Variants in NATD1 observed in about 807,000 individuals in gnomAD.
NATD1 encodes the protein protein NATD1.
In NATD1, 9 loss-of-function variants were observed where a neutral mutation model predicts 12.0. The ratio of observed to expected loss-of-function variants is 0.75; its 90% confidence interval spans 0.45 to 1.30. The LOEUF is 1.30. NATD1 is among the 50% of genes most tolerant of loss of function. The pLI, the probability that NATD1 is intolerant of heterozygous loss-of-function variation, is 0.00. For synonymous variants in NATD1, 71 were observed against 65.9 expected, an observed-to-expected ratio of 1.08 and a Z score of -0.37; for missense variants, 148 against 148.5, an observed-to-expected ratio of 1.00 and a Z score of 0.02.
rs1372485722 is a variant in NATD1 at position 21,242,172 on chromosome 17, G to A, written c.*1141C>T. 1 of 152,318 alleles carries A rather than the reference G, an allele frequency of 6.6e-6. No individual in the cohort carries two copies. Among genetic ancestry groups the A allele is most frequent in the East Asian group, 1.9e-4 (1 of 5,188 alleles). 9.4% of individuals were successfully genotyped at this position (152,318 alleles called of 1,614,324 possible). ...ATCCTTGTTAGCACTGACACAAGAG[G>A]GCGGGACCTGAGTCAGCCCCAGGGG... On this transcript the variant is annotated 3_prime_UTR_variant, in exon 3 of 3. Coordinates refer to ENST00000611551, the MANE Select transcript of NATD1 (RefSeq NM_152914.3).
intron 1 of NATD1, among the ~76,000 whole-genome samples, chr17:21,246,183 C>G (rs561717205): frequency 6.6e-6 from 1 of 152,236 alleles, no homozygotes; most frequent in South Asian, 2.1e-4. Context: ...GGAGATCTTA[C>G]GTACTGATGA....
chr17:21,248,997 C>T (rs1975352125), intron 1 of NATD1, among the ~76,000 whole-genome samples: 1 of 152,086 alleles, frequency 6.6e-6, no homozygotes, highest in Non-Finnish European at 1.5e-5. Context: ...GGGACCCGTC[C>T]CTGGGTCTCT....
rs1975283296 is a variant in NATD1, at chr17:21,242,375, G to A, written c.*938C>T. On this transcript the variant is annotated 3_prime_UTR_variant, in exon 3 of 3. Coordinates refer to ENST00000611551, the MANE Select transcript of NATD1 (RefSeq NM_152914.3). ...GTCTGGCAGCAGCACAGAAACCCCT[G>A]TGGCTGATGTTTCTTCCTCTTGGAT... is the stretch of plus-strand genomic sequence containing the variant. The A allele has an allele frequency of 6.6e-6, 1 of 152,286 alleles. No homozygotes were observed. The highest frequency in any genetic ancestry group is 1.5e-5 in the Non-Finnish European group (1 of 68,080). 9.4% of individuals were successfully genotyped at this position (152,286 alleles called of 1,614,324 possible). A position where few individuals can be genotyped will look rare whatever the true frequency, so the allele number is the denominator to read the frequency against.
chr17:21,241,490 C>A lies in NATD1; in HGVS notation c.*1823G>T. 6.5e-6 allele frequency: 1 copy of A among 152,764 alleles called. No homozygotes were observed. The highest frequency in any genetic ancestry group is 1.5e-5 in the Non-Finnish European group (1 of 68,442). The allele number at this position is 152,764 out of a possible 1,614,324, so 9.5% of individuals were successfully genotyped here. On this transcript the variant is annotated 3_prime_UTR_variant, in exon 3 of 3. Coordinates refer to ENST00000611551, the MANE Select transcript of NATD1 (RefSeq NM_152914.3). The stretch of plus-strand genomic sequence containing the variant: ...CAACCTGCTCTTTCCTTAAATTCTG[C>A]CAGCAATGGGCCACCCCTAGCCCCG...
intron 1 of NATD1, among the ~76,000 whole-genome samples, chr17:21,252,215 G>C (rs1192969547): frequency 1.3e-5 from 2 of 152,052 alleles, no homozygotes; most frequent in South Asian, 2.1e-4. Context: ...TGAGGCAGGA[G>C]AATCACTTGA....
Position 21,243,376 on chromosome 17 carries a change from C to T in NATD1, c.279G>A (p.Trp93Ter). 6.2e-7 allele frequency: 1 copy of T among 1,613,574 alleles called. No individual in the cohort carries two copies. Residue 93 changes from tryptophan (W) to a stop codon, truncating the protein, a stop_gained, in exon 3 of 3, where the codon TGG becomes TGA. Transcript: ENST00000611551. LOFTEE classifies it high-confidence loss of function. ...EEDLKAHLTC[W>*]YIQKYVKENP... Reference sequence around the variant, plus strand: ...TCTCCTTGACGTACTTCTGGATGTACCAGCAGGTGAGATGGGCCTTCAGGT... The same window carrying T: ...TCTCCTTGACGTACTTCTGGATGTATCAGCAGGTGAGATGGGCCTTCAGGT...
At chr17:21,248,747 T>C (rs572794761) in intron 1 of NATD1, among the ~76,000 whole-genome samples, 8 of 152,218 alleles carry the variant, frequency 5.3e-5, no homozygotes, top group African/African-American at 1.9e-4. Context: ...GACCTCAGAC[T>C]AGCACAGGGG....
At chr17:21,249,084 C>T (rs1975352966) in intron 1 of NATD1, among the ~76,000 whole-genome samples, 1 of 152,150 alleles carries the variant, frequency 6.6e-6, no homozygotes, top group South Asian at 2.1e-4. Context: ...GAGGCGATCA[C>T]AGAGAAAGAC....
At chr17:21,248,323 C>T (rs1975344494) in intron 1 of NATD1, among the ~76,000 whole-genome samples, 2 of 152,200 alleles carry the variant, frequency 1.3e-5, no homozygotes, top group South Asian at 4.1e-4. Flanking sequence ...GGAAAATGCC[C>T]AAGTCCCCAA....
chr17:21,250,152 C>T (rs533733881), intron 1 of NATD1, among the ~76,000 whole-genome samples: 2 of 152,332 alleles, frequency 1.3e-5, no homozygotes, highest in Admixed American at 1.3e-4. Flanking sequence ...GAGTCAAAGC[C>T]GAGCCCATAG....
rs946746597 is a variant in NATD1, at chr17:21,249,502, G to A, written c.106+3657C>T. On this transcript the variant is annotated intron_variant, in intron 1 of 2. Transcript: ENST00000611551. The stretch of plus-strand genomic sequence containing the variant: ...CGGCCTCATATTGGGGCTGTGATCT[G>A]AGCACCTCCCAAAGCCTGGGGCTGT... Among the ~76,000 whole-genome samples the A allele has an allele frequency of 1.1e-4, 17 of 152,248 alleles. 1 individual carries two copies. In the East Asian group the frequency reaches 3.1e-3, roughly 28 times the overall value.
At position 21,240,061 on chromosome 17, in the gene NATD1, T is replaced by C. The variant is rs971230641; in HGVS notation, c.*3252A>G. On this transcript the variant is annotated 3_prime_UTR_variant, in exon 3 of 3. Transcript: ENST00000611551. ...AAATTCTAAAGGAAGCAACTTCTTA[T>C]GGCACAGCGGATCTCATGCATGGCA... The C allele has an allele frequency of 6.6e-6, 1 of 152,336 alleles. No homozygotes were observed. Among genetic ancestry groups the C allele is most frequent in the Non-Finnish European group, 1.5e-5 (1 of 68,092 alleles). The allele number at this position is 152,336 out of a possible 1,614,324, so 9.4% of individuals were successfully genotyped here. A position where few individuals can be genotyped will look rare whatever the true frequency, so the allele number is the denominator to read the frequency against.
At chr17:21,252,592 C>G (rs1383149999) in intron 1 of NATD1, among the ~76,000 whole-genome samples, 1 of 152,134 alleles carries the variant, frequency 6.6e-6, no homozygotes, top group Non-Finnish European at 1.5e-5. Context: ...CCGCCCCTCA[C>G]TCCCCCCAGG....
At position 21,243,040 on chromosome 17, in the gene NATD1, A is replaced by T; in HGVS notation, c.*273T>A. On this transcript the variant is annotated 3_prime_UTR_variant, in exon 3 of 3. Transcript: ENST00000611551. Reference sequence around the variant, plus strand: ...AGGATGCAGGCTGGCTCTAGCCCCTACGTGTGACCCACAGGCCTCCCACGA... The same window carrying T: ...AGGATGCAGGCTGGCTCTAGCCCCTTCGTGTGACCCACAGGCCTCCCACGA... The T allele has an allele frequency of 2.7e-6, 1 of 370,364 alleles. No individual in the cohort carries two copies. The highest frequency in any genetic ancestry group is 5.0e-6 in the Non-Finnish European group (1 of 198,856). 22.9% of individuals were successfully genotyped at this position (370,364 alleles called of 1,614,324 possible). A position where few individuals can be genotyped will look rare whatever the true frequency, so the allele number is the denominator to read the frequency against.
intron 1 of NATD1, among the ~76,000 whole-genome samples, chr17:21,248,488 C>T (rs1315943976): frequency 1.3e-5 from 2 of 152,190 alleles, no homozygotes; most frequent in African/African-American, 4.8e-5. Context: ...CACCTTTCTG[C>T]CCAGGGCCTC....
intron 1 of NATD1, among the ~76,000 whole-genome samples, chr17:21,251,345 A>G (rs1395935954): frequency 1.3e-5 from 2 of 151,536 alleles, no homozygotes; most frequent in African/African-American, 4.8e-5. Context: ...GTCTCTGAGT[A>G]TAATGGCCCT....
rs574592445 is a variant in NATD1, at chr17:21,249,604, C to G, written c.106+3555G>C. Among the ~76,000 whole-genome samples the G allele has an allele frequency of 4.5e-4, 68 of 152,292 alleles. 1 individual carries two copies. The East Asian group carries it at 0.013, about 28-fold the overall frequency. On this transcript the variant is annotated intron_variant, in intron 1 of 2. Transcript: ENST00000611551. Reference sequence around the variant, plus strand: ...CTGACTCTCTGGGGCCTCAGTCTTCCTGGCTGCAAAATGGGGGTTAGGGAG... The same window carrying G: ...CTGACTCTCTGGGGCCTCAGTCTTCGTGGCTGCAAAATGGGGGTTAGGGAG...
Position 21,244,034 on chromosome 17 carries a change from C to T in NATD1, c.225+72G>A, listed in dbSNP as rs1014424165. ...AGGCTGAAGTGGCCACCAGGGCCACCGTCTCCTCGGAGCGAAGGTGGCAGC... is the reference window on the plus strand; with the variant it reads ...AGGCTGAAGTGGCCACCAGGGCCACTGTCTCCTCGGAGCGAAGGTGGCAGC... On this transcript the variant is annotated intron_variant, in intron 2 of 2. Transcript: ENST00000611551. The surrounding 1 kb of genome is among the most constrained non-coding windows in gnomAD (Gnocchi z 5.2). 3.2e-5 allele frequency: 44 copies of T among 1,385,888 alleles called. No individual in the cohort carries two copies. Among genetic ancestry groups the T allele is most frequent in the South Asian group, 4.0e-5 (3 of 74,766 alleles). The allele number at this position is 1,385,888 out of a possible 1,614,324, so 85.8% of individuals were successfully genotyped here.
rs549968085 is a variant in NATD1 at position 21,249,328 on chromosome 17, T to G, written c.106+3831A>C. The stretch of plus-strand genomic sequence containing the variant: ...CACCCTGGCCGGCTTTTCTGGCACC[T>G]CTGTAAGTAGAGCCTGGATCAGGGA... On this transcript the variant is annotated intron_variant, in intron 1 of 2. Coordinates refer to ENST00000611551, the MANE Select transcript of NATD1 (RefSeq NM_152914.3). 2.0e-5 allele frequency among the ~76,000 whole-genome samples: 3 copies of G among 152,332 alleles called. No homozygotes were observed. In the East Asian group the frequency reaches 5.8e-4, roughly 29 times the overall value.
Sources: allele counts gnomAD v4.1 joint callset (sites outside exome capture counted in the v4.1 genomes callset), GRCh38; gene constraint gnomAD v4.1.1; non-coding constraint Gnocchi (gnomAD v3.1); transcripts MANE v1.5; gene names NCBI Gene and HGNC (gene_info 2026-07-23, HGNC 2026-07-21).